Variants in TOX3 observed in about 807,000 individuals in gnomAD.
TOX3 encodes TOX high mobility group box family member 3, also known as CAG trinucleotide repeat-containing gene F9 protein.
Under a neutral mutation model 64.3 loss-of-function variants are expected in TOX3, and 22 were observed. The observed-to-expected ratio is 0.34, with a 90% confidence interval of 0.24 to 0.49. The LOEUF is 0.49. Among genes scored for constraint, TOX3 ranks in the 20% least tolerant of loss-of-function variants. The probability of loss-of-function intolerance (pLI) is 0.99; values close to 1 mark genes in which losing one functional copy is unlikely to be tolerated. For missense variants in TOX3, 661 were observed against 714.4 expected, an observed-to-expected ratio of 0.93 and a Z score of 0.85; for synonymous variants, 291 against 273.6, an observed-to-expected ratio of 1.06 and a Z score of -0.63.
intron 1 of TOX3, among the ~76,000 whole-genome samples, chr16:52,492,898 C>CAAA (rs71777089): frequency 2.2e-3 from 291 of 132,580 alleles, no homozygotes; most frequent in African/African-American, 8.0e-3. Context: ...AACCCAACTG[C>CAAA]AAAAAAAAAA....
At chr16:52,531,779 C>T (rs939473160) in intron 1 of TOX3, among the ~76,000 whole-genome samples, 2 of 151,902 alleles carry the variant, frequency 1.3e-5, no homozygotes, top group East Asian at 3.9e-4. Context: ...AAGATTAAAC[C>T]AGAAGTAAAG....
intron 1 of TOX3, among the ~76,000 whole-genome samples, chr16:52,497,313 C>T (rs528887411): frequency 6.6e-6 from 1 of 152,250 alleles, no homozygotes; most frequent in African/African-American, 2.4e-5. Flanking sequence ...AAACACATTG[C>T]CAAGGAGTGA....
At chr16:52,440,089 T>C in intron 6 of TOX3, 121 bp from the exon 7 acceptor site, 1 of 798,096 alleles carries the variant, frequency 1.3e-6, no homozygotes, top group African/African-American at 1.7e-5. Context: ...TGCCCTCCTG[T>C]ATGTGTACTC....
Position 52,447,570 on chromosome 16 carries a change from C to T in TOX3, c.679-1349G>A, listed in dbSNP as rs141632176. On this transcript the variant is annotated intron_variant, in intron 4 of 6. Coordinates refer to ENST00000219746, the MANE Select transcript of TOX3 (RefSeq NM_001080430.4). ...AGTGATAACAGCATCCACACTTTAT[C>T]TGAGTAGTTTACAAGCTTCAGATGG... Among the ~76,000 whole-genome samples the T allele has an allele frequency of 7.4e-4, 112 of 152,318 alleles. 1 individual carries two copies. Among genetic ancestry groups the T allele is most frequent in the African/African-American group, 2.5e-3 (105 of 41,586 alleles).
At chr16:52,495,173 C>T (rs1277093423) in intron 1 of TOX3, among the ~76,000 whole-genome samples, 1 of 152,082 alleles carries the variant, frequency 6.6e-6, no homozygotes, top group East Asian at 1.9e-4. Context: ...GTAACAAAAC[C>T]CCTTTTACCT....
rs761115401 is a variant in TOX3, at chr16:52,546,702, C to T, written c.22G>A (p.Ala8Thr). The T allele has an allele frequency of 3.2e-6, 5 of 1,539,118 alleles. No homozygotes were observed. The highest frequency in any genetic ancestry group is 2.4e-5 in the South Asian group (2 of 83,806). Residue 8 changes from alanine (A) to threonine (T), a missense_variant, in exon 1 of 7, where the codon GCG (alanine) becomes ACG (threonine). Ala to Thr is a moderately conservative substitution (Grantham distance 58). This residue lies in a region of TOX3 where 259 missense variants were observed against 261.2 expected (regional missense o/e 0.99). Transcript: ENST00000219746. MDVRFYP[A>T]AAGDPASLDF... ...AGGCTGGCAGGGTCCCCGGCCGCCG[C>T]GGGGTAGAACCTCACATCCATGCCG...
intron 3 of TOX3, among the ~76,000 whole-genome samples, chr16:52,455,432 C>T (rs989156383): frequency 7.2e-5 from 11 of 152,110 alleles, no homozygotes; most frequent in African/African-American, 2.7e-4. Context: ...ATGTCAAAAT[C>T]CCCTTCATTT....
chr16:52,483,400 A>G (rs1166789009), intron 1 of TOX3, among the ~76,000 whole-genome samples: 1 of 152,090 alleles, frequency 6.6e-6, no homozygotes, highest in Non-Finnish European at 1.5e-5. Context: ...AGAAGGGGAG[A>G]GCTGGGAAAA....
At chr16:52,543,363 C>T (rs949915048) in intron 1 of TOX3, among the ~76,000 whole-genome samples, 1 of 152,182 alleles carries the variant, frequency 6.6e-6, no homozygotes, top group African/African-American at 2.4e-5. Context: ...TTGACTGTCA[C>T]ATCAGTGCTC....
intron 1 of TOX3, among the ~76,000 whole-genome samples, chr16:52,536,676 T>C (rs60574363): frequency 0.06 from 4,695 of 78,308 alleles, 427 homozygotes; most frequent in East Asian, 0.32. Flanking sequence ...TATATATATA[T>C]ACATGTGTAT....
Position 52,444,357 on chromosome 16 carries a change from C to A in TOX3, c.907-1G>T. ...CAGCTTCTGTTTTCCTTTTATATAC[C>A]TATTAAAAGACCACAATTAGCACCA... On this transcript the variant is annotated splice_acceptor_variant, in intron 5 of 6. Transcript: ENST00000219746. LOFTEE classifies it high-confidence loss of function. The A allele has an allele frequency of 6.4e-7, 1 of 1,564,334 alleles. No individual in the cohort carries two copies. The highest frequency in any genetic ancestry group is 1.2e-5 in the South Asian group (1 of 84,502).
intron 1 of TOX3, among the ~76,000 whole-genome samples, chr16:52,537,878 T>TAAAAAAAAAAAAAAAAAAAAAAAAAAA (rs57403617): frequency 9.0e-6 from 1 of 111,032 alleles, no homozygotes; most frequent in Non-Finnish European, 1.9e-5. Flanking sequence ...GCTGATATGA[T>TAAAAAAAAAAAAAAAAAAAAAAAAAAA]AAAAAAAAAA....
At chr16:52,492,846 C>T (rs1961732298) in intron 1 of TOX3, among the ~76,000 whole-genome samples, 1 of 150,776 alleles carries the variant, frequency 6.6e-6, no homozygotes, top group African/African-American at 2.4e-5. Context: ...ATTCTTTCAA[C>T]TCCCAATTGT....
intron 1 of TOX3, chr16:52,519,442 C>T (rs1210431454): frequency 2.6e-6 from 4 of 1,551,450 alleles, no homozygotes; most frequent in Non-Finnish European, 3.5e-6. Flanking sequence ...GAAGTCTCTC[C>T]TCAATGCGCC....
intron 1 of TOX3, among the ~76,000 whole-genome samples, chr16:52,505,573 G>T (rs961589883): frequency 6.6e-6 from 1 of 152,180 alleles, no homozygotes; most frequent in African/African-American, 2.4e-5. Context: ...ATCACTAACT[G>T]CTTTGGCTTC....
At chr16:52,502,981 G>A (rs190944547) in intron 1 of TOX3, among the ~76,000 whole-genome samples, 1 of 152,128 alleles carries the variant, frequency 6.6e-6, no homozygotes, top group South Asian at 2.1e-4. Context: ...TACACGAAAA[G>A]CAGGAAAGCA....
chr16:52,530,276 G>A (rs558994877), intron 1 of TOX3, among the ~76,000 whole-genome samples: 13 of 152,208 alleles, frequency 8.5e-5, no homozygotes, highest in African/African-American at 3.1e-4. Context: ...ACTGGAATCA[G>A]GCCATGAGTT....
chr16:52,480,562 C>T (rs1176780940), intron 1 of TOX3, among the ~76,000 whole-genome samples: 1 of 152,112 alleles, frequency 6.6e-6, no homozygotes, highest in Non-Finnish European at 1.5e-5. Context: ...ATAAAATGTT[C>T]CTCAGTATTT....
chr16:52,489,675 G>C (rs914504305), intron 1 of TOX3, among the ~76,000 whole-genome samples: 2 of 151,998 alleles, frequency 1.3e-5, no homozygotes, highest in African/African-American at 4.8e-5. Flanking sequence ...ATACTGAGTT[G>C]CAAATTTCTT....
Sources: gnomAD v4.1 joint callset for allele counts (sites outside exome capture counted in the v4.1 genomes callset) on GRCh38, gnomAD v4.1.1 for gene constraint, gnomAD v4.1.1 regional missense constraint, MANE v1.5 for transcripts, NCBI Gene and HGNC (gene_info 2026-07-23, HGNC 2026-07-21) for gene names.